Variants in ABCA3 observed in about 807,000 individuals in gnomAD.
The protein encoded by ABCA3 is ATP binding cassette subfamily A member 3.
In ABCA3, 88 loss-of-function variants were observed where a neutral mutation model predicts 172.8. The ratio of observed to expected loss-of-function variants is 0.51; its 90% CI spans 0.43 to 0.61. The LOEUF (loss-of-function observed/expected upper bound fraction) is 0.61, where lower values mean the gene tolerates loss of function less well. Among genes scored for constraint, ABCA3 ranks in the 20% least tolerant of loss-of-function variants. The probability of loss-of-function intolerance (pLI) is 0.00; values close to 1 mark genes in which losing one functional copy is unlikely to be tolerated. For missense variants in ABCA3, 2,164 were observed against 2,301.0 expected (o/e 0.94, Z 1.22); for synonymous variants, 1,066 against 983.8 (o/e 1.08, Z -1.56).
At chr16:2,332,062 G>C (rs568361609) in intron 1 of ABCA3, among the ~76,000 whole-genome samples, 3 of 152,130 alleles carry the variant, frequency 2.0e-5, no homozygotes, top group Non-Finnish European at 4.4e-5. Flanking sequence ...GCATACTGCA[G>C]GCTGCTCATT....
At chr16:2,315,574 G>GT (rs11424037) in intron 10 of ABCA3, among the ~76,000 whole-genome samples, 90,060 of 152,000 alleles carry the variant, frequency 0.59, 26,805 homozygotes, top group South Asian at 0.7. Flanking sequence ...ACAGAGAAGA[G>GT]TGACTCTAAA....
chr16:2,298,291 G>A, intron 15 of ABCA3, 95 bp downstream of exon 15: 2 of 1,566,042 alleles, frequency 1.3e-6, no homozygotes, highest in Non-Finnish European at 1.8e-6. Context: ...TGCCCTCCTG[G>A]CTCCCTTCCT....
At position 2,332,663 on chromosome 16, in the gene ABCA3, G is replaced by C. The variant is rs548651291; in HGVS notation, c.-538-2809C>G. The C allele has an allele frequency of 4.3e-5, 69 of 1,601,910 alleles. No homozygotes were observed. In the African/African-American group the frequency reaches 8.6e-4, roughly 20 times the overall value. On this transcript the variant is annotated intron_variant, in intron 1 of 32. Coordinates refer to ENST00000301732, the MANE Select transcript of ABCA3 (RefSeq NM_001089.3). ...AGGGGCCGCCCGTTCACCTTGATGAGACCATTGCCGCGTTTGCAGTGTGCC... is the reference window on the plus strand; with the variant it reads ...AGGGGCCGCCCGTTCACCTTGATGACACCATTGCCGCGTTTGCAGTGTGCC...
Position 2,288,089 on chromosome 16 carries a change from G to A in ABCA3, c.2941C>T (p.Gln981Ter). The change falls in exon 21 of 33, where the codon CAG (glutamine) becomes TAG (stop). Residue 981 changes from glutamine (Q) to a stop codon, truncating the protein, a stop_gained. Transcript: ENST00000301732. LOFTEE classifies it high-confidence loss of function. The part of the protein sequence containing the change: ...SVPGTSQLGQ[Q>*]LSEHLKDALQ... ...GCGTCTTTCAGATGCTCTGACAGCTGCTGACCCAGCTGGGAGGTCCCGGGA... is the reference window on the plus strand; with the variant it reads ...GCGTCTTTCAGATGCTCTGACAGCTACTGACCCAGCTGGGAGGTCCCGGGA... 6.2e-7 allele frequency: 1 copy of A among 1,613,472 alleles called. No individual in the cohort carries two copies.
At chr16:2,300,746 G>A (rs976596901) in intron 12 of ABCA3, among the ~76,000 whole-genome samples, 6 of 152,178 alleles carry the variant, frequency 3.9e-5, no homozygotes, top group Non-Finnish European at 8.8e-5. Context: ...ACAGTGGTGC[G>A]GGCAGAGCAG....
intron 1 of ABCA3, among the ~76,000 whole-genome samples, chr16:2,339,919 C>G (rs923347369): frequency 2.0e-5 from 3 of 152,274 alleles, no homozygotes; most frequent in African/African-American, 7.2e-5. Flanking sequence ...TGACCGAGGG[C>G]GCCGAGAACG....
At chr16:2,311,143 T>G (rs1275186996) in intron 10 of ABCA3, among the ~76,000 whole-genome samples, 1 of 151,952 alleles carries the variant, frequency 6.6e-6, no homozygotes, top group Non-Finnish European at 1.5e-5. Flanking sequence ...CCAGCTAATT[T>G]TTGTATTTTT....
chr16:2,296,850 C>T lies in ABCA3; in HGVS notation c.2263+479G>A, dbSNP rs143027746. On this transcript the variant is annotated intron_variant, in intron 17 of 32. Coordinates refer to ENST00000301732, the MANE Select transcript of ABCA3 (RefSeq NM_001089.3). ...GGGGAGGAGGGCTCCTATGTCTTTG[C>T]TCCACCCCGTTGGAATGTGGGGGAC... 2.0e-5 allele frequency among the ~76,000 whole-genome samples: 3 copies of T among 152,312 alleles called. No individual in the cohort carries two copies. The East Asian group carries it at 5.8e-4, about 29-fold the overall frequency.
chr16:2,290,562 C>G (rs1382569461), intron 19 of ABCA3, among the ~76,000 whole-genome samples: 1 of 152,204 alleles, frequency 6.6e-6, no homozygotes, highest in African/African-American at 2.4e-5. Flanking sequence ...GTTCTACCCT[C>G]AGAGCCGGCT....
At chr16:2,328,390 C>T (rs1190391006) in intron 3 of ABCA3, 63 bp downstream of exon 3, 3 of 420,172 alleles carry the variant, frequency 7.1e-6, no homozygotes, top group African/African-American at 6.2e-5. Context: ...GAAAAAGGAA[C>T]ACAGACACTG....
At chr16:2,276,940 CAG>C in intron 32 of ABCA3, 135 bp from the exon 33 acceptor site, 1 of 1,333,978 alleles carries the variant, frequency 7.5e-7, no homozygotes, top group South Asian at 1.2e-5. Flanking sequence ...CCCAGAGCCC[CAG>C]AGAGGTCAGC....
At position 2,276,244 on chromosome 16, in the gene ABCA3, A is replaced by G. The variant is rs1366689597; in HGVS notation, c.*430T>C. ...TTCCTGGCGGCCTGGGGGCCTCGCT[A>G]CAGTTCAACCTGGCTGGCTTCCCGC... On this transcript the variant is annotated 3_prime_UTR_variant, in exon 33 of 33. Transcript: ENST00000301732. 1.1e-5 allele frequency: 5 copies of G among 453,662 alleles called. No individual in the cohort carries two copies. Among genetic ancestry groups the G allele is most frequent in the Admixed American group, 7.1e-5 (3 of 42,034 alleles). The allele number at this position is 453,662 out of a possible 1,614,324, so 28.1% of individuals were successfully genotyped here. A position where few individuals can be genotyped will look rare whatever the true frequency, so the allele number is the denominator to read the frequency against.
At chr16:2,331,274 G>A (rs2093742778) in intron 1 of ABCA3, among the ~76,000 whole-genome samples, 1 of 151,210 alleles carries the variant, frequency 6.6e-6, no homozygotes, top group Non-Finnish European at 1.5e-5. Context: ...GCACGATCTC[G>A]GCTCACAACA....
At chr16:2,325,140 T>C (rs1411210276) in intron 5 of ABCA3, among the ~76,000 whole-genome samples, 1 of 151,844 alleles carries the variant, frequency 6.6e-6, no homozygotes, top group African/African-American at 2.4e-5. Context: ...ACAGTGGGAG[T>C]TCCCTTCTCA....
At position 2,284,119 on chromosome 16, in the gene ABCA3, G is replaced by A. The variant is rs574186652; in HGVS notation, c.3862+160C>T. ...ACAGGGCCTGGGAGCGAGCGGGCGC[G>A]AGGGGGCTGCTGTGGGAGGTGGGGC... On this transcript the variant is annotated intron_variant, in intron 25 of 32. Coordinates refer to ENST00000301732, the MANE Select transcript of ABCA3 (RefSeq NM_001089.3). This position sits in a 1 kb window ranked among gnomAD's most constrained non-coding sequence, Gnocchi z 5.9. 93 of 889,222 alleles carry A rather than the reference G, an allele frequency of 1.0e-4. No individual in the cohort carries two copies. The highest frequency in any genetic ancestry group is 9.2e-4 in the East Asian group (34 of 36,814). 55.1% of individuals were successfully genotyped at this position (889,222 alleles called of 1,614,324 possible). A position where few individuals can be genotyped will look rare whatever the true frequency, so the allele number is the denominator to read the frequency against.
chr16:2,285,013 GGA>G lies in ABCA3; in HGVS notation c.3484-17_3484-16del, dbSNP rs2093660684. On this transcript the variant is annotated splice_polypyrimidine_tract_variant and intron_variant, in intron 23 of 32. Transcript: ENST00000301732. The surrounding 1 kb of genome is among the most constrained non-coding windows in gnomAD (Gnocchi z 4.7). ...TTAAACACCACCTGCGGCGGCACAG[GGA>G]GGCGCTGCTGTGCATGCCAAGCTGA... The G allele has an allele frequency of 6.2e-7, 1 of 1,610,052 alleles. No homozygotes were observed. Among genetic ancestry groups the G allele is most frequent in the Non-Finnish European group, 8.5e-7 (1 of 1,178,940 alleles).
intron 19 of ABCA3, among the ~76,000 whole-genome samples, chr16:2,290,363 C>CA (rs1377164234): frequency 2.0e-5 from 3 of 152,204 alleles, no homozygotes; most frequent in Admixed American, 6.5e-5. Context: ...AGGTCCTAGA[C>CA]AAACCAGGAA....
intron 7 of ABCA3, among the ~76,000 whole-genome samples, chr16:2,321,995 C>G (rs1023356908): frequency 2.6e-5 from 4 of 151,990 alleles, no homozygotes; most frequent in African/African-American, 9.7e-5. Context: ...GTCAAGAGAT[C>G]GAGACCATCC....
chr16:2,299,503 C>T lies in ABCA3; in HGVS notation c.1641G>A (p.Ala547=), dbSNP rs780224799. 5.1e-5 allele frequency: 83 copies of T among 1,613,632 alleles called. No homozygotes were observed. Among genetic ancestry groups the T allele is most frequent in the Admixed American group, 2.0e-4 (12 of 60,008 alleles). Residue 547 remains alanine, a synonymous_variant, in exon 14 of 33, where the codon GCG becomes GCA. Transcript: ENST00000301732. Reference sequence around the variant, plus strand: ...GGTTGAGGTTCAGGTCTCTGACGGCCGCCCTGTCCTTATTTCCCACCCTGA... The same window carrying T: ...GGTTGAGGTTCAGGTCTCTGACGGCTGCCCTGTCCTTATTTCCCACCCTGA... ...KVFRVGNKDR[A]AVRDLNLNLY... is the part of the protein sequence containing the mutation.
Sources: allele counts gnomAD v4.1 joint callset (sites outside exome capture counted in the v4.1 genomes callset), GRCh38; gene constraint gnomAD v4.1.1; non-coding constraint Gnocchi (gnomAD v3.1); transcripts MANE v1.5; gene names NCBI Gene and HGNC (gene_info 2026-07-23, HGNC 2026-07-21).